Variants in NUDCD1 observed in about 807,000 individuals in gnomAD.
NUDCD1 encodes the protein nudC domain-containing protein 1.
Under a neutral mutation model 67.8 loss-of-function variants are expected in NUDCD1, and 60 were observed. The observed-to-expected ratio is 0.88, with a 90% CI of 0.72 to 1.10. The LOEUF is 1.10. Among genes scored for constraint, NUDCD1 ranks in the 50% least tolerant of loss-of-function variants. The probability of loss-of-function intolerance (pLI) is 0.00; values close to 1 mark genes in which losing one functional copy is unlikely to be tolerated. For synonymous variants in NUDCD1, 244 were observed against 230.8 expected (o/e 1.06, Z -0.52); for missense variants, 643 against 695.0 (o/e 0.93, Z 0.84).
chr8:109,307,124 A>G (rs1280601756), intron 2 of NUDCD1, among the ~76,000 whole-genome samples: 1 of 152,186 alleles, frequency 6.6e-6, no homozygotes, highest in East Asian at 1.9e-4. Context: ...AAGATCCACA[A>G]AAGAAGTGAA....
chr8:109,301,009 A>G, intron 2 of NUDCD1, among the ~76,000 whole-genome samples: 1 of 133,290 alleles, frequency 7.5e-6, no homozygotes. Flanking sequence ...AAAGCTTCAT[A>G]TATGAAGGAA....
At chr8:109,314,190 T>A (rs993623619) in intron 2 of NUDCD1, among the ~76,000 whole-genome samples, 1 of 152,184 alleles carries the variant, frequency 6.6e-6, no homozygotes, top group Non-Finnish European at 1.5e-5. Context: ...ACATAATCAT[T>A]TTCTTTTTCC....
chr8:109,307,450 G>A (rs1049066771), intron 2 of NUDCD1, among the ~76,000 whole-genome samples: 4 of 152,174 alleles, frequency 2.6e-5, no homozygotes, highest in African/African-American at 9.7e-5. Flanking sequence ...TTACACGGAC[G>A]TGTGTGACAG....
At chr8:109,253,706 C>T (rs1272508417) in intron 8 of NUDCD1, among the ~76,000 whole-genome samples, 1 of 151,968 alleles carries the variant, frequency 6.6e-6, no homozygotes, top group African/African-American at 2.4e-5. Flanking sequence ...CTTCCAAAAG[C>T]AAAGTACAAT....
intron 8 of NUDCD1, among the ~76,000 whole-genome samples, chr8:109,269,990 C>T (rs985873560): frequency 1.6e-4 from 23 of 144,468 alleles, no homozygotes; most frequent in Non-Finnish European, 2.2e-4. Flanking sequence ...CCAAGCCACT[C>T]CAGGCAGTCT....
At chr8:109,252,058 C>T (rs1233382692) in intron 8 of NUDCD1, among the ~76,000 whole-genome samples, 2 of 152,128 alleles carry the variant, frequency 1.3e-5, no homozygotes, top group African/African-American at 2.4e-5. Context: ...CCATCCCAAG[C>T]TTTAGGCCTT....
chr8:109,289,927 T>G lies in NUDCD1; in HGVS notation c.647A>C (p.Lys216Thr), dbSNP rs771842855. Residue 216 changes from lysine to threonine, a missense_variant, in exon 5 of 10, where the codon AAA (lysine) becomes ACA (threonine). Lys to Thr is a moderately conservative substitution (Grantham distance 78). Coordinates refer to ENST00000239690, the MANE Select transcript of NUDCD1 (RefSeq NM_032869.4). ...VTISKKNQDN[K>T]KYEIIKRDIL... ...ATCACGCTTAATAATTTCATATTTT[T>G]TATTATCTGTAAGAAAAGTATTTCA... is the stretch of plus-strand genomic sequence containing the variant. 11 of 1,452,664 alleles carry G rather than the reference T, an allele frequency of 7.6e-6. No homozygotes were observed. Among genetic ancestry groups the G allele is most frequent in the Middle Eastern group, 3.5e-4 (2 of 5,712 alleles). 90.0% of individuals were successfully genotyped at this position (1,452,664 alleles called of 1,614,324 possible). A position where few individuals can be genotyped will look rare whatever the true frequency, so the allele number is the denominator to read the frequency against.
At chr8:109,292,294 TTTAAAGTTA>T in intron 4 of NUDCD1, among the ~76,000 whole-genome samples, 1 of 152,028 alleles carries the variant, frequency 6.6e-6, no homozygotes, top group South Asian at 2.1e-4. Flanking sequence ...CTAATTAAAG[TTTAAAGTTA>T]CTGTGTTCCT....
At chr8:109,271,489 A>C (rs1814156212) in intron 7 of NUDCD1, among the ~76,000 whole-genome samples, 1 of 152,168 alleles carries the variant, frequency 6.6e-6, no homozygotes, top group Non-Finnish European at 1.5e-5. Flanking sequence ...AGGAGAAAAG[A>C]CCAGCGAGCT....
chr8:109,262,389 T>A (rs1813880873), intron 8 of NUDCD1, among the ~76,000 whole-genome samples: 1 of 152,202 alleles, frequency 6.6e-6, no homozygotes, highest in Non-Finnish European at 1.5e-5. Flanking sequence ...ATGACAGGAC[T>A]TCCTTTTCTA....
intron 5 of NUDCD1, among the ~76,000 whole-genome samples, chr8:109,289,167 G>A (rs1355606532): frequency 6.6e-6 from 1 of 151,762 alleles, no homozygotes; most frequent in Non-Finnish European, 1.5e-5. Flanking sequence ...AGTAGAGACG[G>A]GGTTTCATCG....
At position 109,324,663 on chromosome 8, in the gene NUDCD1, T is replaced by C. The variant is rs559858696; in HGVS notation, c.119-2200A>G. ...AGCCAAGACATGGGGGAAACCTAAG[T>C]GGCCAAAGGATGAACAGATAAAGAA... On this transcript the variant is annotated intron_variant, in intron 1 of 9. Coordinates refer to ENST00000239690, the MANE Select transcript of NUDCD1 (RefSeq NM_032869.4). 1.4e-3 allele frequency among the ~76,000 whole-genome samples: 212 copies of C among 152,242 alleles called. 1 individual carries two copies. Among genetic ancestry groups the C allele is most frequent in the African/African-American group, 5.0e-3 (208 of 41,526 alleles).
chr8:109,294,494 G>A (rs1222311627), intron 3 of NUDCD1, among the ~76,000 whole-genome samples: 1 of 152,024 alleles, frequency 6.6e-6, no homozygotes, highest in African/African-American at 2.4e-5. Flanking sequence ...TGGTTGATTG[G>A]GTTTTGCTTT....
rs916325204 is a variant in NUDCD1 at position 109,242,254 on chromosome 8, T to C, written c.*755A>G. The C allele has an allele frequency of 1.3e-5, 5 of 396,288 alleles. No homozygotes were observed. The highest frequency in any genetic ancestry group is 2.2e-5 in the Non-Finnish European group (5 of 224,598). The allele number at this position is 396,288 out of a possible 1,614,324, so 24.5% of individuals were successfully genotyped here. A position where few individuals can be genotyped will look rare whatever the true frequency, so the allele number is the denominator to read the frequency against. On this transcript the variant is annotated 3_prime_UTR_variant, in exon 10 of 10. Transcript: ENST00000239690. ...CATATTGGAGCTTGCTCTCTTAAGA[T>C]GTTTTCTCTACTATGGAAAGAAGAT...
chr8:109,320,732 A>G (rs1815514666), intron 2 of NUDCD1, among the ~76,000 whole-genome samples: 1 of 152,210 alleles, frequency 6.6e-6, no homozygotes, highest in African/African-American at 2.4e-5. Flanking sequence ...GATTGCAGTA[A>G]AGACAGGCAT....
intron 9 of NUDCD1, 32 bp downstream of exon 9, chr8:109,245,290 T>A (rs1392253130): frequency 6.3e-7 from 1 of 1,578,918 alleles, no homozygotes; most frequent in Non-Finnish European, 8.6e-7. Flanking sequence ...ATTTCTGATT[T>A]CATGGAAAAT....
At chr8:109,287,149 A>G (rs1228729521) in intron 5 of NUDCD1, among the ~76,000 whole-genome samples, 2 of 152,208 alleles carry the variant, frequency 1.3e-5, no homozygotes, top group Non-Finnish European at 2.9e-5. Flanking sequence ...CATGCTGATA[A>G]GGCTGTGGAG....
chr8:109,282,492 T>C (rs1326922418), intron 5 of NUDCD1, among the ~76,000 whole-genome samples: 3 of 151,362 alleles, frequency 2.0e-5, no homozygotes, highest in Non-Finnish European at 4.4e-5. Flanking sequence ...CAAACAAAAA[T>C]AATATTATAA....
chr8:109,284,798 G>C (rs972454129), intron 5 of NUDCD1, among the ~76,000 whole-genome samples: 4 of 150,586 alleles, frequency 2.7e-5, no homozygotes, highest in African/African-American at 9.7e-5. Flanking sequence ...GCTAGCAAAA[G>C]AAAAGAAATA....
Sources: gnomAD v4.1 joint callset for allele counts (sites outside exome capture counted in the v4.1 genomes callset) on GRCh38, gnomAD v4.1.1 for gene constraint, MANE v1.5 for transcripts, NCBI Gene and HGNC (gene_info 2026-07-23, HGNC 2026-07-21) for gene names.